Variants in GLS2 observed in about 807,000 individuals in gnomAD.
GLS2 encodes glutaminase 2.
In GLS2, 52 loss-of-function variants were observed where a neutral mutation model predicts 79.0. The ratio of observed to expected loss-of-function variants is 0.66; its 90% CI spans 0.53 to 0.83. The LOEUF (loss-of-function observed/expected upper bound fraction) is 0.83. Ranked by LOEUF, GLS2 falls within the 40% of genes least tolerant of loss-of-function variation. The pLI is 0.00. For missense variants in GLS2, 561 were observed against 764.8 expected (o/e 0.73, Z 3.14); for synonymous variants, 238 against 280.8 (o/e 0.85, Z 1.52).
chr12:56,483,062 TTTTCTTTTTTCTTTTTC>T (rs1448507367), intron 1 of GLS2, among the ~76,000 whole-genome samples: 3 of 151,842 alleles, frequency 2.0e-5, no homozygotes, highest in Non-Finnish European at 4.4e-5. Flanking sequence ...CATTGTTGTT[TTTTCTTTTTTCTTTTTC>T]TTTCTTTTTT....
At chr12:56,476,288 A>G (rs1391177421) in intron 7 of GLS2, 2 of 342,176 alleles carry the variant, frequency 5.8e-6, no homozygotes, top group Non-Finnish European at 1.1e-5. Context: ...TCAGCCTCCA[A>G]GTAGCTCGGA....
chr12:56,478,320 A>G, intron 4 of GLS2, 58 bp from the exon 5 acceptor site: 1 of 1,552,102 alleles, frequency 6.4e-7, no homozygotes, highest in Non-Finnish European at 8.9e-7. Flanking sequence ...AACAGAGTTG[A>G]GGTTGAGGGT....
chr12:56,485,243 T>A (rs1052966754), intron 1 of GLS2, among the ~76,000 whole-genome samples: 3 of 152,118 alleles, frequency 2.0e-5, no homozygotes, highest in African/African-American at 7.2e-5. Flanking sequence ...CTTTTTAAAA[T>A]TTTTAAGTAA....
At chr12:56,480,533 C>G (rs997852468) in intron 1 of GLS2, 146 bp from the exon 2 acceptor site, 2 of 658,456 alleles carry the variant, frequency 3.0e-6, no homozygotes, top group African/African-American at 3.6e-5. Context: ...ATAAATCTAA[C>G]TTTCATGTCT....
In GLS2 at chr12:56,475,110, T is replaced by A. The variant is rs1335704618; in HGVS notation, c.930A>T (p.Thr310=). 31 of 1,613,944 alleles carry A rather than the reference T, an allele frequency of 1.9e-5. No homozygotes were observed. Among genetic ancestry groups the A allele is most frequent in the Non-Finnish European group, 2.6e-5 (31 of 1,180,046 alleles). Reference sequence around the variant, plus strand: ...CCCCTGTTTCCTTCTCTGACTGGAATCTGAAGCAAACACCCAATTTAGTAC... The same window carrying A: ...CCCCTGTTTCCTTCTCTGACTGGAAACTGAAGCAAACACCCAATTTAGTAC... ...GNEYMGFSNA[T]FQSEKETGDR... The change falls in exon 10 of 18, where the codon ACA becomes ACT. Residue 310 remains threonine (T), a splice_region_variant and synonymous_variant. Coordinates refer to ENST00000311966, the MANE Select transcript of GLS2 (RefSeq NM_013267.4).
chr12:56,471,142 C>G lies in GLS2; in HGVS notation c.*345G>C, dbSNP rs1019389703. The G allele has an allele frequency of 5.1e-5, 21 of 415,506 alleles. No individual in the cohort carries two copies. The highest frequency in any genetic ancestry group is 1.7e-4 in the East Asian group (5 of 28,828). The allele number at this position is 415,506 out of a possible 1,614,324, so 25.7% of individuals were successfully genotyped here. A position where few individuals can be genotyped will look rare whatever the true frequency, so the allele number is the denominator to read the frequency against. Reference sequence around the variant, plus strand: ...CATGTGCATGGTAGCTAGAGTCCCTCCACCAGAGTATCTCTCTCATGATGG... The same window carrying G: ...CATGTGCATGGTAGCTAGAGTCCCTGCACCAGAGTATCTCTCTCATGATGG... On this transcript the variant is annotated 3_prime_UTR_variant, in exon 18 of 18. Coordinates refer to ENST00000311966, the MANE Select transcript of GLS2 (RefSeq NM_013267.4).
At position 56,472,683 on chromosome 12, in the gene GLS2, G is replaced by A. The variant is rs760843313; in HGVS notation, c.1511+7C>T. The A allele has an allele frequency of 1.9e-6, 3 of 1,612,852 alleles. No homozygotes were observed. Among genetic ancestry groups the A allele is most frequent in the Non-Finnish European group, 2.5e-6 (3 of 1,179,078 alleles). ...TTATTGTGTATATTTGGTCACAGTA[G>A]CATTACCTTCGAAGAGCTGAGACAT... is the stretch of plus-strand genomic sequence containing the variant. On this transcript the variant is annotated splice_region_variant and intron_variant, in intron 15 of 17. Transcript: ENST00000311966.
In GLS2 at chr12:56,471,856, G is replaced by A. The variant is rs371792259; in HGVS notation, c.1589-20C>T. 10 of 1,612,286 alleles carry A rather than the reference G, an allele frequency of 6.2e-6. No homozygotes were observed. Among genetic ancestry groups the A allele is most frequent in the Admixed American group, 1.7e-5 (1 of 59,984 alleles). On this transcript the variant is annotated intron_variant, in intron 16 of 17. Transcript: ENST00000311966. ...TGTGTCCTAGGAATATGGGCAGAAG[G>A]AAAATGAGAAGGCGCAGGTCTTGAA...
chr12:56,480,820 A>G (rs1343250035), intron 1 of GLS2, among the ~76,000 whole-genome samples: 1 of 152,204 alleles, frequency 6.6e-6, no homozygotes, highest in East Asian at 1.9e-4. Context: ...CCAACATTGG[A>G]TGAATCTGCC....
At chr12:56,474,092 C>CTTTTTTT (rs67377312) in intron 12 of GLS2, 2 of 98,936 alleles carry the variant, frequency 2.0e-5, no homozygotes, top group Non-Finnish European at 4.4e-5. Flanking sequence ...TTTTCTTTTT[C>CTTTTTTT]TTTTTTTCTT....
In GLS2 at chr12:56,477,663, G is replaced by C; in HGVS notation, c.834C>G (p.Ile278Met). ...AGAAGGTTAAGGTGGCACTGACCTT[G>C]ATCAGGGAGCTGACAACAATGGCAC... is the stretch of plus-strand genomic sequence containing the variant. Reference protein sequence around the residue: ...NAGAIVVSSLIKMDCNKAEKF... With the variant: ...NAGAIVVSSLMKMDCNKAEKF... Residue 278 changes from isoleucine to methionine, a missense_variant, in exon 7 of 18, where the codon ATC becomes ATG. Around this residue, in one of 4 missense-constraint regions of GLS2, gnomAD observed 221 missense variants for 275.6 expected, o/e 0.80. Coordinates refer to ENST00000311966, the MANE Select transcript of GLS2 (RefSeq NM_013267.4). 1 of 1,613,396 alleles carries C rather than the reference G, an allele frequency of 6.2e-7. No individual in the cohort carries two copies. Among genetic ancestry groups the C allele is most frequent in the Non-Finnish European group, 8.5e-7 (1 of 1,179,696 alleles).
intron 1 of GLS2, among the ~76,000 whole-genome samples, chr12:56,484,153 C>T (rs1870511821): frequency 6.6e-6 from 1 of 152,066 alleles, no homozygotes; most frequent in Admixed American, 6.6e-5. Flanking sequence ...ACCTGTAATC[C>T]CAGCTACTCA....
rs1037805708 is a variant in GLS2, at chr12:56,486,715, C to A, written c.182+1222G>T. ...AAGTAGCGGGTTGTGGTGGCGCGCA[C>A]CTGTAATCCCAGCTACTCGAGGTAA... is the stretch of plus-strand genomic sequence containing the variant. On this transcript the variant is annotated intron_variant, in intron 1 of 17. Transcript: ENST00000311966. Among the ~76,000 whole-genome samples the A allele has an allele frequency of 3.3e-5, 5 of 152,164 alleles. No individual in the cohort carries two copies. In the East Asian group the frequency reaches 7.7e-4, roughly 24 times the overall value.
In GLS2 at chr12:56,471,448, C is replaced by G; in HGVS notation, c.*39G>C. 4 of 1,579,176 alleles carry G rather than the reference C, an allele frequency of 2.5e-6. No homozygotes were observed. Among genetic ancestry groups the G allele is most frequent in the Non-Finnish European group, 3.4e-6 (4 of 1,163,122 alleles). ...TTATGGATTACATGTGTGGCCAGCT[C>G]ATGCTTTTTCTTGAGCAGGGGCTGT... On this transcript the variant is annotated 3_prime_UTR_variant, in exon 18 of 18. Transcript: ENST00000311966.
chr12:56,480,195 C>A, intron 2 of GLS2, 93 bp downstream of exon 2: 2 of 1,074,130 alleles, frequency 1.9e-6, no homozygotes, highest in East Asian at 4.8e-5. Flanking sequence ...ATGTAGCAAC[C>A]CATTAGCTGC....
rs1192418985 is a variant in GLS2, at chr12:56,488,125, G to C, written c.-7C>G. The C allele has an allele frequency of 1.3e-6, 2 of 1,529,086 alleles. No homozygotes were observed. The highest frequency in any genetic ancestry group is 1.2e-5 in the South Asian group (1 of 83,610). The allele number at this position is 1,529,086 out of a possible 1,614,324, so 94.7% of individuals were successfully genotyped here. On this transcript the variant is annotated 5_prime_UTR_variant, in exon 1 of 18. Transcript: ENST00000311966. ...GAGCCTTCATGGAGCGCATGCCCCA[G>C]CAAGCCTCCGGCTCTGCAGGTGCGC...
chr12:56,478,030 G>A lies in GLS2; in HGVS notation c.681C>T (p.Ala227=), dbSNP rs1869975292. 6.2e-7 allele frequency: 1 copy of A among 1,614,244 alleles called. No homozygotes were observed. The highest frequency in any genetic ancestry group is 1.1e-5 in the South Asian group (1 of 91,086). The part of the protein sequence containing the change: ...LQSCVKPLTY[A]ISISTLGTDY... ...CAGTGCCTAGGGTGCTTATGGAGAT[G>A]GCATAGGTGAGGGGCTTCACACAGG... Residue 227 remains alanine (A), a synonymous_variant, in exon 6 of 18, where the codon GCC becomes GCT. Transcript: ENST00000311966.
At chr12:56,476,058 C>G in intron 7 of GLS2, 81 bp from the exon 8 acceptor site, 6 of 1,384,134 alleles carry the variant, frequency 4.3e-6, no homozygotes, top group Non-Finnish European at 6.1e-6. Context: ...TAGTGGAGTT[C>G]TAGTGTTAGT....
At chr12:56,479,555 A>C (rs1321493717) in intron 3 of GLS2, 1 of 480,142 alleles carries the variant, frequency 2.1e-6, no homozygotes, top group East Asian at 3.7e-5. Flanking sequence ...GCTAATATTT[A>C]CTTCTGGGAA....
Sources: allele counts gnomAD v4.1 joint callset (sites outside exome capture counted in the v4.1 genomes callset), GRCh38; gene constraint gnomAD v4.1.1; regional missense constraint gnomAD v4.1.1; transcripts MANE v1.5; gene names NCBI Gene and HGNC (gene_info 2026-07-23, HGNC 2026-07-21).